The following TBC1D5 variants were observed in gnomAD, a reference collection of about 807,000 sequenced individuals.
TBC1D5 encodes the protein TBC1 domain family member 5.
Under a neutral mutation model 100.3 loss-of-function variants are expected in TBC1D5, and 75 were observed. The observed-to-expected ratio is 0.75, with a 90% CI of 0.62 to 0.91. The LOEUF (loss-of-function observed/expected upper bound fraction) is 0.91. Ranked by LOEUF, TBC1D5 falls within the 40% of genes least tolerant of loss-of-function variation. TBC1D5 has a pLI of 0.00. For synonymous variants in TBC1D5, 323 were observed against 325.6 expected, an observed-to-expected ratio of 0.99 and a Z score of 0.09; for missense variants, 910 against 942.4, an observed-to-expected ratio of 0.97 and a Z score of 0.45.
rs529792961 is a variant in TBC1D5 at position 17,457,993 on chromosome 3, C to T, written c.98-29474G>A. Among the ~76,000 whole-genome samples the T allele has an allele frequency of 2.0e-5, 3 of 152,278 alleles. No individual in the cohort carries two copies. In the South Asian group the frequency reaches 6.2e-4, roughly 32 times the overall value. On this transcript the variant is annotated intron_variant, in intron 3 of 21. Coordinates refer to ENST00000253692, the Ensembl canonical transcript of TBC1D5. ...TAGTTTGTAAAAATATTTCTTTCTTCATTTTCAGAACCACTACCTACATAC... is the reference window on the plus strand; with the variant it reads ...TAGTTTGTAAAAATATTTCTTTCTTTATTTTCAGAACCACTACCTACATAC...
At chr3:17,662,502 G>C (rs1015954814) in intron 1 of TBC1D5, among the ~76,000 whole-genome samples, 1 of 152,152 alleles carries the variant, frequency 6.6e-6, no homozygotes, top group Non-Finnish European at 1.5e-5. Context: ...AGAGTAATGA[G>C]CCAATATTTT....
At chr3:17,519,551 T>C (rs1422548692) in intron 2 of TBC1D5, among the ~76,000 whole-genome samples, 7 of 152,238 alleles carry the variant, frequency 4.6e-5, no homozygotes, top group African/African-American at 1.4e-4. Context: ...CATTCTTTAG[T>C]ATAATGGTTG....
At chr3:17,436,391 T>C (rs535906174) in intron 3 of TBC1D5, among the ~76,000 whole-genome samples, 64 of 152,352 alleles carry the variant, frequency 4.2e-4, no homozygotes, top group African/African-American at 1.4e-3. Context: ...GTATTTATAA[T>C]ACTGGTTCTA....
chr3:17,705,394 G>A (rs1393060584), intron 1 of TBC1D5, among the ~76,000 whole-genome samples: 7 of 138,754 alleles, frequency 5.0e-5, no homozygotes, highest in Middle Eastern at 3.7e-3. Context: ...GGGCGGAGAT[G>A]CTCCTCACTT....
intron 1 of TBC1D5, among the ~76,000 whole-genome samples, chr3:17,729,164 A>C (rs2076359944): frequency 6.6e-6 from 1 of 152,022 alleles, no homozygotes; most frequent in African/African-American, 2.4e-5. Context: ...CTCTGATAGC[A>C]ATGTTCTAAA....
intron 17 of TBC1D5, among the ~76,000 whole-genome samples, chr3:17,219,487 T>C (rs2074037407): frequency 6.6e-6 from 1 of 151,936 alleles, no homozygotes; most frequent in South Asian, 2.1e-4. Context: ...TGGTTTTTTT[T>C]TTTTCCTCAT....
intron 13 of TBC1D5, among the ~76,000 whole-genome samples, chr3:17,314,410 A>G (rs1288449443): frequency 6.6e-6 from 1 of 152,018 alleles, no homozygotes; most frequent in Non-Finnish European, 1.5e-5. Flanking sequence ...CTGAACATAC[A>G]TTCTAAGCAG....
chr3:17,238,805 G>A (rs913651430), intron 16 of TBC1D5, among the ~76,000 whole-genome samples: 2 of 152,108 alleles, frequency 1.3e-5, no homozygotes, highest in Non-Finnish European at 2.9e-5. Context: ...GGACTATGAA[G>A]GACAGGCTAG....
At chr3:17,281,646 C>G (rs979149633) in intron 15 of TBC1D5, among the ~76,000 whole-genome samples, 5 of 152,152 alleles carry the variant, frequency 3.3e-5, no homozygotes, top group Non-Finnish European at 7.3e-5. Flanking sequence ...TAAAATTCTC[C>G]ATGATAAAAT....
chr3:17,455,368 A>G (rs1301732740), intron 3 of TBC1D5, among the ~76,000 whole-genome samples: 3 of 147,764 alleles, frequency 2.0e-5, no homozygotes, highest in Non-Finnish European at 4.5e-5. Context: ...ATGTGTGTAT[A>G]TATATGTATA....
rs939194427 is a variant in TBC1D5 at position 17,167,660 on chromosome 3, G to A, written c.1932+89C>T. 21 of 1,165,220 alleles carry A rather than the reference G, an allele frequency of 1.8e-5. No individual in the cohort carries two copies. The African/African-American group carries it at 1.8e-4, about 10-fold the overall frequency. The allele number at this position is 1,165,220 out of a possible 1,614,324, so 72.2% of individuals were successfully genotyped here. A position where few individuals can be genotyped will look rare whatever the true frequency, so the allele number is the denominator to read the frequency against. ...AGGAAATGAGGGTTAGGGGGATGCTGGCTCTAACATCATGGTGCTCCATGC... is the reference window on the plus strand; with the variant it reads ...AGGAAATGAGGGTTAGGGGGATGCTAGCTCTAACATCATGGTGCTCCATGC... On this transcript the variant is annotated intron_variant, in intron 20 of 21. Transcript: ENST00000253692.
intron 2 of TBC1D5, among the ~76,000 whole-genome samples, chr3:17,620,548 A>G (rs1346156800): frequency 6.6e-6 from 1 of 152,224 alleles, no homozygotes; most frequent in Non-Finnish European, 1.5e-5. Flanking sequence ...AGTGAACTGC[A>G]AAAGAACATA....
intron 13 of TBC1D5, among the ~76,000 whole-genome samples, chr3:17,310,992 T>C (rs2083965585): frequency 6.6e-6 from 1 of 152,046 alleles, no homozygotes; most frequent in African/African-American, 2.4e-5. Context: ...TGTGCTATTT[T>C]GGGCTTTCTT....
At chr3:17,631,516 C>T (rs1300959557) in intron 1 of TBC1D5, among the ~76,000 whole-genome samples, 1 of 152,192 alleles carries the variant, frequency 6.6e-6, no homozygotes, top group East Asian at 1.9e-4. Flanking sequence ...TATACAGTAT[C>T]TTCTTTCAAT....
At chr3:17,214,856 C>T (rs1195127594) in intron 17 of TBC1D5, among the ~76,000 whole-genome samples, 2 of 152,062 alleles carry the variant, frequency 1.3e-5, no homozygotes, top group Non-Finnish European at 2.9e-5. Context: ...AATTCAGGAA[C>T]ATTAACATTT....
At chr3:17,256,051 C>G (rs970952416) in intron 16 of TBC1D5, among the ~76,000 whole-genome samples, 1 of 151,826 alleles carries the variant, frequency 6.6e-6, no homozygotes, top group Admixed American at 6.6e-5. Context: ...ATAAAAACAA[C>G]AAAAAAAATT....
intron 8 of TBC1D5, among the ~76,000 whole-genome samples, chr3:17,385,091 C>A (rs764949270): frequency 6.6e-6 from 1 of 151,950 alleles, no homozygotes; most frequent in African/African-American, 2.4e-5. Context: ...AGTTATGCAA[C>A]CCTGAGTGAA....
chr3:17,320,905 T>C (rs1028287845), intron 13 of TBC1D5, among the ~76,000 whole-genome samples: 8 of 152,234 alleles, frequency 5.3e-5, no homozygotes, highest in African/African-American at 1.9e-4. Context: ...CAAACTGTTA[T>C]TATGATGGTA....
intron 1 of TBC1D5, among the ~76,000 whole-genome samples, chr3:17,630,795 G>A (rs2063424522): frequency 6.6e-6 from 1 of 151,752 alleles, no homozygotes; most frequent in Non-Finnish European, 1.5e-5. Context: ...CAGCACTTTG[G>A]GAGGCTGAGA....
Sources: gnomAD v4.1 joint callset for allele counts (sites outside exome capture counted in the v4.1 genomes callset) on GRCh38, gnomAD v4.1.1 for gene constraint, MANE v1.5 for transcripts, NCBI Gene and HGNC (gene_info 2026-07-23, HGNC 2026-07-21) for gene names.